ADAMTSL3: variants seen among roughly 807,000 people sequenced by gnomAD.
The protein encoded by ADAMTSL3 is ADAMTS-like protein 3.
Under a neutral mutation model 201.7 loss-of-function variants are expected in ADAMTSL3, and 128 were observed. The observed-to-expected ratio is 0.63, with a 90% CI of 0.55 to 0.73. The LOEUF (loss-of-function observed/expected upper bound fraction) is 0.73. Among genes scored for constraint, ADAMTSL3 ranks in the 30% least tolerant of loss-of-function variants. The pLI is 0.00. For missense variants in ADAMTSL3, 1,990 were observed against 2,119.6 expected (o/e 0.94, Z 1.20); for synonymous variants, 738 against 748.4 (o/e 0.99, Z 0.23).
chr15:83,864,854 T>C (rs530536105), intron 8 of ADAMTSL3, among the ~76,000 whole-genome samples: 2 of 152,186 alleles, frequency 1.3e-5, no homozygotes, highest in African/African-American at 4.8e-5. Flanking sequence ...TGATTGTATA[T>C]CTAGAAAACC....
chr15:83,913,158 G>A lies in ADAMTSL3; in HGVS notation c.1767G>A (p.Val589=). 1 of 1,614,168 alleles carries A rather than the reference G, an allele frequency of 6.2e-7. No individual in the cohort carries two copies. The highest frequency in any genetic ancestry group is 8.5e-7 in the Non-Finnish European group (1 of 1,180,022). ...TCGPGVQVRE[V]KCRVLLTFTQ... is the part of the protein sequence containing the mutation. ...GGCCGGGTGTGCAGGTCCGTGAGGT[G>A]AAGTGCCGTGTGCTCCTCACATTCA... The change falls in exon 16 of 30, where the codon GTG becomes GTA. Residue 589 remains valine, a synonymous_variant. Transcript: ENST00000286744.
At chr15:83,978,219 G>A (rs1338585256) in intron 20 of ADAMTSL3, among the ~76,000 whole-genome samples, 1 of 152,214 alleles carries the variant, frequency 6.6e-6, no homozygotes, top group Non-Finnish European at 1.5e-5. Flanking sequence ...TGGAGTAAAG[G>A]CAGGACCCAG....
Position 83,988,867 on chromosome 15 carries a change from T to C in ADAMTSL3, c.3844+49T>C, listed in dbSNP as rs770380993. 5.7e-6 allele frequency: 6 copies of C among 1,048,450 alleles called. No individual in the cohort carries two copies. The African/African-American group carries it at 1.3e-4, about 24-fold the overall frequency. The allele number at this position is 1,048,450 out of a possible 1,614,324, so 64.9% of individuals were successfully genotyped here. A position where few individuals can be genotyped will look rare whatever the true frequency, so the allele number is the denominator to read the frequency against. Reference sequence around the variant, plus strand: ...GAATGCCTGGTTCTTTATTTTTTATTTTTATTTATTTATTTATTTATTTTT... The same window carrying C: ...GAATGCCTGGTTCTTTATTTTTTATCTTTATTTATTTATTTATTTATTTTT... On this transcript the variant is annotated intron_variant, in intron 22 of 29. Transcript: ENST00000286744.
chr15:83,792,763 G>A (rs2063363371), intron 4 of ADAMTSL3, among the ~76,000 whole-genome samples: 1 of 149,376 alleles, frequency 6.7e-6, no homozygotes, highest in African/African-American at 2.5e-5. Context: ...ATGCACACCA[G>A]CCTGGGCAAC....
intron 2 of ADAMTSL3, among the ~76,000 whole-genome samples, chr15:83,674,788 T>TATATATATATATATATATATATATAA: frequency 7.2e-6 from 1 of 138,820 alleles, no homozygotes; most frequent in African/African-American, 2.6e-5. Context: ...TATATATATA[T>TATATATATATATATATATATATATAA]AAATCTTGCT....
At chr15:83,673,213 GCTTAGCAACCAGACA>G (rs936518736) in intron 2 of ADAMTSL3, among the ~76,000 whole-genome samples, 2 of 152,234 alleles carry the variant, frequency 1.3e-5, no homozygotes, top group Admixed American at 6.5e-5. Flanking sequence ...TTAGCAGTGC[GCTTAGCAACCAGACA>G]CTTTAAAAGA....
chr15:83,770,701 A>G lies in ADAMTSL3; in HGVS notation c.190-2822A>G, dbSNP rs2062967991. 2.0e-5 allele frequency among the ~76,000 whole-genome samples: 3 copies of G among 152,306 alleles called. No homozygotes were observed. The South Asian group carries it at 6.2e-4, about 32-fold the overall frequency. ...ATTTCTAATATTTTATGGTTTCAGT[A>G]TTTTAACATACATTTCTAATAGATC... is the stretch of plus-strand genomic sequence containing the variant. On this transcript the variant is annotated intron_variant, in intron 3 of 29. Coordinates refer to ENST00000286744, the MANE Select transcript of ADAMTSL3 (RefSeq NM_207517.3).
chr15:83,939,746 C>G (rs2066521881), intron 17 of ADAMTSL3, among the ~76,000 whole-genome samples: 2 of 151,856 alleles, frequency 1.3e-5, no homozygotes, highest in African/African-American at 2.4e-5. Context: ...CTCAGCCTAC[C>G]AAGTAGCTGG....
At chr15:83,897,495 C>T (rs980290340) in intron 13 of ADAMTSL3, among the ~76,000 whole-genome samples, 6 of 152,074 alleles carry the variant, frequency 3.9e-5, no homozygotes, top group Admixed American at 6.6e-5. Flanking sequence ...AGGTTTCATT[C>T]GTCTTCAAAA....
intron 6 of ADAMTSL3, among the ~76,000 whole-genome samples, chr15:83,823,067 C>T (rs973939081): frequency 1.1e-4 from 16 of 150,990 alleles, no homozygotes; most frequent in East Asian, 5.9e-4. Context: ...TGGCGGCGCG[C>T]GCCTGCAAAT....
chr15:83,727,532 T>C (rs950104271), intron 3 of ADAMTSL3, among the ~76,000 whole-genome samples: 1 of 152,052 alleles, frequency 6.6e-6, no homozygotes, highest in Non-Finnish European at 1.5e-5. Flanking sequence ...GCTATAAATT[T>C]CTTAGTACTA....
intron 19 of ADAMTSL3, among the ~76,000 whole-genome samples, chr15:83,967,990 C>G (rs899366544): frequency 3.9e-5 from 6 of 152,158 alleles, no homozygotes; most frequent in African/African-American, 1.2e-4. Context: ...ATGCGGAAAA[C>G]TGAAACTGGA....
intron 23 of ADAMTSL3, among the ~76,000 whole-genome samples, chr15:83,999,988 G>A (rs149129700): frequency 4.5e-4 from 68 of 151,466 alleles, no homozygotes; most frequent in African/African-American, 1.6e-3. Flanking sequence ...TCAACTGCTA[G>A]TTTATATTAT....
At chr15:83,699,736 C>T (rs2061741930) in intron 2 of ADAMTSL3, among the ~76,000 whole-genome samples, 1 of 152,200 alleles carries the variant, frequency 6.6e-6, no homozygotes, top group Admixed American at 6.5e-5. Context: ...AATTCACTGA[C>T]TTCCTTTCCA....
At chr15:83,730,007 G>T (rs898752945) in intron 3 of ADAMTSL3, among the ~76,000 whole-genome samples, 1 of 151,958 alleles carries the variant, frequency 6.6e-6, no homozygotes, top group Non-Finnish European at 1.5e-5. Context: ...TAACCCTGTG[G>T]CTCTAGCAGA....
At chr15:83,761,322 T>G (rs2062805845) in intron 3 of ADAMTSL3, among the ~76,000 whole-genome samples, 1 of 152,192 alleles carries the variant, frequency 6.6e-6, no homozygotes, top group Non-Finnish European at 1.5e-5. Context: ...TATTTAAAAC[T>G]CCACAATCCA....
chr15:83,687,980 A>G (rs1430417870), intron 2 of ADAMTSL3, among the ~76,000 whole-genome samples: 1 of 152,214 alleles, frequency 6.6e-6, no homozygotes, highest in Non-Finnish European at 1.5e-5. Context: ...ACCATCTAAC[A>G]CAGTGGAAAA....
chr15:84,038,080 T>C lies in ADAMTSL3; in HGVS notation c.*274T>C. On this transcript the variant is annotated 3_prime_UTR_variant, in exon 30 of 30. Transcript: ENST00000286744. Reference sequence around the variant, plus strand: ...TTGGGACCTCATCATGTCAGTTGAATCGAGAAATCACCAAGATTATGAGTG... The same window carrying C: ...TTGGGACCTCATCATGTCAGTTGAACCGAGAAATCACCAAGATTATGAGTG... 1 of 391,874 alleles carries C rather than the reference T, an allele frequency of 2.6e-6. No individual in the cohort carries two copies. Among genetic ancestry groups the C allele is most frequent in the Non-Finnish European group, 4.5e-6 (1 of 221,546 alleles). The allele number at this position is 391,874 out of a possible 1,614,324, so 24.3% of individuals were successfully genotyped here. A position where few individuals can be genotyped will look rare whatever the true frequency, so the allele number is the denominator to read the frequency against.
intron 10 of ADAMTSL3, among the ~76,000 whole-genome samples, chr15:83,887,961 T>G (rs1233196792): frequency 6.6e-6 from 1 of 152,218 alleles, no homozygotes; most frequent in Non-Finnish European, 1.5e-5. Flanking sequence ...ACGTTCACAT[T>G]TGGATCCATA....
Sources: gnomAD v4.1 joint callset for allele counts (sites outside exome capture counted in the v4.1 genomes callset) on GRCh38, gnomAD v4.1.1 for gene constraint, MANE v1.5 for transcripts, NCBI Gene and HGNC (gene_info 2026-07-23, HGNC 2026-07-21) for gene names.